ABCC9: variants seen among roughly 807,000 people sequenced by gnomAD.
The protein encoded by ABCC9 is ATP binding cassette subfamily C member 9.
In ABCC9, 95 loss-of-function variants were observed where a neutral mutation model predicts 188.3. The observed-to-expected ratio is 0.50, with a 90% CI of 0.43 to 0.60. ABCC9 has a LOEUF of 0.60. Among genes scored for constraint, ABCC9 ranks in the 20% least tolerant of loss-of-function variants. The pLI is 0.00. For synonymous variants in ABCC9, 659 were observed against 652.7 expected, an observed-to-expected ratio of 1.01 and a Z score of -0.15; for missense variants, 1,102 against 1,876.3, an observed-to-expected ratio of 0.59 and a Z score of 7.62.
At chr12:21,914,083 C>A (rs1463117680) in intron 7 of ABCC9, among the ~76,000 whole-genome samples, 3 of 152,070 alleles carry the variant, frequency 2.0e-5, no homozygotes, top group African/African-American at 7.2e-5. Flanking sequence ...TTGTTGTAAC[C>A]TTTTCCTGCC....
intron 10 of ABCC9, among the ~76,000 whole-genome samples, chr12:21,908,436 G>A (rs1948144433): frequency 6.6e-6 from 1 of 152,006 alleles, no homozygotes; most frequent in South Asian, 2.1e-4. Flanking sequence ...CTAAGTGCTA[G>A]GAATGTATTT....
chr12:21,896,104 T>TTTTTTTTA (rs1947401923), intron 12 of ABCC9, among the ~76,000 whole-genome samples: 1 of 43,702 alleles, frequency 2.3e-5, no homozygotes, highest in Non-Finnish European at 5.6e-5. Flanking sequence ...TTTTTACTTT[T>TTTTTTTTA]CTTTTTTTTT....
chr12:21,845,525 T>C, intron 26 of ABCC9, 78 bp downstream of exon 26: 1 of 1,133,942 alleles, frequency 8.8e-7, no homozygotes, highest in South Asian at 1.3e-5. Context: ...GATATAAGCA[T>C]CTAACTAGAT....
Position 21,821,130 on chromosome 12 carries a change from ACTTTT to A in ABCC9, c.3670-2884_3670-2880del, listed in dbSNP as rs57147324. Among the ~76,000 whole-genome samples, 678 of 152,236 alleles carry A rather than the reference ACTTTT, an allele frequency of 4.5e-3. 4 individuals are homozygous for A. Among genetic ancestry groups the A allele is most frequent in the African/African-American group, 0.015 (642 of 41,542 alleles). On this transcript the variant is annotated intron_variant, in intron 31 of 39. Transcript: ENST00000261200. ...ATTTTCCAACTTAGGACTTCTCCCG[ACTTTT>A]CTTTTAGGATTTGTATGAATCATTT...
In ABCC9 at chr12:21,912,983, AC is replaced by A. The variant is rs1460770564; in HGVS notation, c.899del (p.Ser300IlefsTer22). The A allele has an allele frequency of 6.2e-7, 1 of 1,613,650 alleles. No individual in the cohort carries two copies. Among genetic ancestry groups the A allele is most frequent in the African/African-American group, 1.3e-5 (1 of 74,998 alleles). On this transcript the variant is annotated frameshift_variant, in exon 8 of 40. Transcript: ENST00000261200. LOFTEE classifies it high-confidence loss of function. ...AATCAGCCAGATAGCGGAATGTGCT[AC>A]TAAGTAGAATTGGTCGCCCAAAAGC... ...YRAFGRPILL[S>X]STFRYLADLL...
At chr12:21,880,181 T>G (rs1946551121) in intron 16 of ABCC9, among the ~76,000 whole-genome samples, 1 of 152,004 alleles carries the variant, frequency 6.6e-6, no homozygotes, top group Non-Finnish European at 1.5e-5. Flanking sequence ...TACTAATAAA[T>G]TATTCATCCC....
intron 17 of ABCC9, among the ~76,000 whole-genome samples, chr12:21,874,894 G>A (rs949458155): frequency 3.3e-5 from 5 of 151,524 alleles, no homozygotes; most frequent in African/African-American, 4.9e-5. Context: ...GGTTCCAGGA[G>A]ATGGGGGAAA....
intron 30 of ABCC9, among the ~76,000 whole-genome samples, chr12:21,832,955 A>G (rs1180163694): frequency 1.3e-5 from 2 of 152,232 alleles, no homozygotes; most frequent in Non-Finnish European, 1.5e-5. Context: ...ACAAGGAACG[A>G]AATAATGGCA....
intron 36 of ABCC9, among the ~76,000 whole-genome samples, chr12:21,810,258 C>A (rs1013122178): frequency 2.6e-5 from 4 of 152,082 alleles, no homozygotes; most frequent in Non-Finnish European, 4.4e-5. Context: ...TTAGTATAAC[C>A]CAAATAGTAT....
In ABCC9 at chr12:21,801,006, C is replaced by T. The variant is rs1187508672; in HGVS notation, c.*38G>A. The T allele has an allele frequency of 6.2e-7, 1 of 1,612,198 alleles. No homozygotes were observed. Among genetic ancestry groups the T allele is most frequent in the South Asian group, 1.1e-5 (1 of 91,026 alleles). ...TGATCCATTAATTAGGTTATGACTG[C>T]ATTATTTTAAATACATGTATTGTTT... On this transcript the variant is annotated 3_prime_UTR_variant, in exon 40 of 40. Coordinates refer to ENST00000261200, the MANE Select transcript of ABCC9 (RefSeq NM_020297.4).
intron 36 of ABCC9, among the ~76,000 whole-genome samples, chr12:21,810,852 C>T (rs1276966168): frequency 6.6e-6 from 1 of 152,112 alleles, no homozygotes; most frequent in Non-Finnish European, 1.5e-5. Context: ...AAATACTAGG[C>T]AATCTTACAT....
At chr12:21,805,163 A>G in intron 39 of ABCC9, 7 of 1,613,992 alleles carry the variant, frequency 4.3e-6, no homozygotes, top group Non-Finnish European at 5.9e-6. Flanking sequence ...GGTGCAATAG[A>G]TCATGATGGT....
chr12:21,887,683 T>A (rs977736009), intron 15 of ABCC9, 143 bp downstream of exon 15: 2 of 677,432 alleles, frequency 3.0e-6, no homozygotes, highest in African/African-American at 3.6e-5. Context: ...CTTGTGAGGT[T>A]GTAGAGAAGC....
rs548167806 is a variant in ABCC9, at chr12:21,900,317, A to G, written c.1619-5002T>C. Reference sequence around the variant, plus strand: ...ACCAAAACCCCATCTGTACATCACCATCATCAAAGACCAAAGGTAGATAAA... The same window carrying G: ...ACCAAAACCCCATCTGTACATCACCGTCATCAAAGACCAAAGGTAGATAAA... On this transcript the variant is annotated intron_variant, in intron 12 of 39. Coordinates refer to ENST00000261200, the MANE Select transcript of ABCC9 (RefSeq NM_020297.4). 1.9e-3 allele frequency among the ~76,000 whole-genome samples: 294 copies of G among 152,332 alleles called. 1 individual carries two copies. The Middle Eastern group carries it at 0.034, about 18-fold the overall frequency.
intron 5 of ABCC9, chr12:21,923,613 T>C (rs903451000): frequency 7.4e-6 from 4 of 538,980 alleles, no homozygotes; most frequent in Non-Finnish European, 1.3e-5. Flanking sequence ...ATGACTAAAT[T>C]AGACCAAGAT....
chr12:21,893,565 A>C (rs913564288), intron 14 of ABCC9, among the ~76,000 whole-genome samples: 3 of 152,226 alleles, frequency 2.0e-5, no homozygotes, highest in Non-Finnish European at 2.9e-5. Flanking sequence ...GCATATTATT[A>C]GAACTAGTAT....
At chr12:21,855,692 A>T (rs1945191945) in intron 22 of ABCC9, among the ~76,000 whole-genome samples, 2 of 152,220 alleles carry the variant, frequency 1.3e-5, no homozygotes, top group African/African-American at 4.8e-5. Flanking sequence ...GAGAGAAAGC[A>T]CCTTGGATTG....
chr12:21,927,910 TCTGA>T (rs1274447105), intron 4 of ABCC9, among the ~76,000 whole-genome samples: 1 of 152,148 alleles, frequency 6.6e-6, no homozygotes, highest in Non-Finnish European at 1.5e-5. Context: ...TCTAATATTC[TCTGA>T]CTATTGAATC....
chr12:21,856,409 G>A (rs1945226869), intron 22 of ABCC9, among the ~76,000 whole-genome samples: 1 of 151,962 alleles, frequency 6.6e-6, no homozygotes, highest in East Asian at 1.9e-4. Flanking sequence ...TTCAATAAAT[G>A]TGCTTAAATA....
Sources: allele counts gnomAD v4.1 joint callset (sites outside exome capture counted in the v4.1 genomes callset), GRCh38; gene constraint gnomAD v4.1.1; transcripts MANE v1.5; gene names NCBI Gene and HGNC (gene_info 2026-07-23, HGNC 2026-07-21).